The following DPH6 variants were observed in gnomAD, a reference collection of about 807,000 sequenced individuals.
DPH6 encodes the protein diphthine--ammonia ligase.
DPH6 carries 33 observed loss-of-function variants against 38.2 expected under a neutral mutation model. The observed-to-expected ratio is 0.86, with a 90% confidence interval of 0.65 to 1.15. The LOEUF (loss-of-function observed/expected upper bound fraction) is 1.15. Among genes scored for constraint, DPH6 ranks in the 50% most tolerant of loss-of-function variants. The pLI, the probability that DPH6 is intolerant of heterozygous loss-of-function variation, is 0.00. For synonymous variants in DPH6, 108 were observed against 103.0 expected (o/e 1.05, Z -0.30); for missense variants, 325 against 320.0 (o/e 1.02, Z -0.12).
intron 3 of DPH6, among the ~76,000 whole-genome samples, chr15:35,233,332 G>A (rs1198457028): frequency 6.6e-6 from 1 of 151,338 alleles, no homozygotes; most frequent in East Asian, 1.9e-4. Flanking sequence ...ATAAATGAAG[G>A]GGTACTACAT....
chr15:35,537,860 A>C (rs1204263938), intron 3 of DPH6, among the ~76,000 whole-genome samples: 1 of 152,076 alleles, frequency 6.6e-6, no homozygotes, highest in Admixed American at 6.6e-5. Flanking sequence ...CTCTTCCACT[A>C]GAAAGTGAGC....
chr15:35,204,813 C>T, the DPH6 span, among the ~76,000 whole-genome samples: 17 of 151,952 alleles, frequency 1.1e-4, no homozygotes, highest in Admixed American at 3.9e-4. Context: ...ACAACCACAA[C>T]ATAACCACAT....
chr15:35,317,565 A>G (rs2052203031), intron 3 of DPH6, among the ~76,000 whole-genome samples: 1 of 147,338 alleles, frequency 6.8e-6, no homozygotes, highest in African/African-American at 2.6e-5. Context: ...TCACTAAAAT[A>G]TATACTAACA....
intron 5 of DPH6, among the ~76,000 whole-genome samples, chr15:35,443,435 T>G (rs547965231): frequency 6.6e-6 from 1 of 152,264 alleles, no homozygotes; most frequent in East Asian, 1.9e-4. Context: ...AGTAATTTCA[T>G]CTACCACAGG....
chr15:35,474,037 G>A (rs2054234666), intron 3 of DPH6, among the ~76,000 whole-genome samples: 1 of 151,860 alleles, frequency 6.6e-6, no homozygotes, highest in African/African-American at 2.4e-5. Flanking sequence ...TGGTTGGGTT[G>A]GAGGGGGAAG....
the DPH6 span, among the ~76,000 whole-genome samples, chr15:35,185,722 CTCTT>C: frequency 7.8e-6 from 1 of 127,786 alleles, no homozygotes; most frequent in East Asian, 2.5e-4. Flanking sequence ...GTCCAATCCA[CTCTT>C]TTTTTTTTTT....
intron 7 of DPH6, among the ~76,000 whole-genome samples, chr15:35,376,814 T>C (rs2052787313): frequency 6.6e-6 from 1 of 152,170 alleles, no homozygotes; most frequent in African/African-American, 2.4e-5. Context: ...GTTTATAGCC[T>C]AGGAGCATAC....
chr15:35,404,946 T>C (rs2053271693), intron 6 of DPH6, among the ~76,000 whole-genome samples: 3 of 152,268 alleles, frequency 2.0e-5, no homozygotes, highest in African/African-American at 7.2e-5. Context: ...TGCATATAGA[T>C]GTCTAGTTTT....
chr15:35,300,339 A>G (rs139138343), intron 3 of DPH6, among the ~76,000 whole-genome samples: 2 of 152,344 alleles, frequency 1.3e-5, no homozygotes, highest in African/African-American at 4.8e-5. Context: ...TTTGAGTACT[A>G]CATTGAGAAT....
intron 5 of DPH6, among the ~76,000 whole-genome samples, chr15:35,433,307 A>G (rs1391249195): frequency 6.6e-6 from 1 of 152,236 alleles, no homozygotes; most frequent in Admixed American, 6.5e-5. Context: ...GCAAGGATAC[A>G]AACTTGCTTT....
At chr15:35,517,581 T>C (rs183374172) in intron 3 of DPH6, among the ~76,000 whole-genome samples, 1 of 152,236 alleles carries the variant, frequency 6.6e-6, no homozygotes, top group Non-Finnish European at 1.5e-5. Flanking sequence ...TTTATCAGCT[T>C]AAAACATTGG....
intron 3 of DPH6, among the ~76,000 whole-genome samples, chr15:35,242,338 C>A (rs1306116877): frequency 7.0e-6 from 1 of 142,734 alleles, no homozygotes; most frequent in Non-Finnish European, 1.5e-5. Context: ...AATTCTTACA[C>A]AAGAGCCAGG....
the DPH6 span, among the ~76,000 whole-genome samples, chr15:35,182,220 AT>A: frequency 0.014 from 1,197 of 85,818 alleles, 5 homozygotes; most frequent in Middle Eastern, 0.024. Context: ...AACTCTAAGA[AT>A]TTTTTTTTTT....
At chr15:35,153,094 A>C in the DPH6 span, among the ~76,000 whole-genome samples, 2 of 152,206 alleles carry the variant, frequency 1.3e-5, no homozygotes, top group African/African-American at 4.8e-5. Flanking sequence ...TATGATGTGA[A>C]AATTATGTAA....
chr15:35,288,909 A>C (rs1186652666), intron 3 of DPH6, among the ~76,000 whole-genome samples: 1 of 152,142 alleles, frequency 6.6e-6, no homozygotes, highest in Non-Finnish European at 1.5e-5. Context: ...TCCATATCAG[A>C]ATTAGCTTTA....
At chr15:35,458,841 T>C (rs1210907683) in intron 3 of DPH6, among the ~76,000 whole-genome samples, 1 of 152,204 alleles carries the variant, frequency 6.6e-6, no homozygotes, top group African/African-American at 2.4e-5. Context: ...TGCAATCCTT[T>C]TGGATCAAAA....
intron 3 of DPH6, among the ~76,000 whole-genome samples, chr15:35,492,330 T>A (rs1253063323): frequency 6.6e-6 from 1 of 152,114 alleles, no homozygotes; most frequent in Non-Finnish European, 1.5e-5. Context: ...ACTAGATATA[T>A]GGGCATGAAA....
chr15:35,229,961 T>C (rs2051505763), intron 3 of DPH6, among the ~76,000 whole-genome samples: 1 of 152,216 alleles, frequency 6.6e-6, no homozygotes, highest in Non-Finnish European at 1.5e-5. Flanking sequence ...TTGTGGTCAC[T>C]ACCCCTGGGA....
At chr15:35,227,225 C>T (rs1203819003) in intron 3 of DPH6, among the ~76,000 whole-genome samples, 1 of 142,104 alleles carries the variant, frequency 7.0e-6, no homozygotes, top group Non-Finnish European at 1.5e-5. Flanking sequence ...GCTCTGTCAC[C>T]CAGGCTGGAG....
Sources: gnomAD v4.1 joint callset for allele counts (sites outside exome capture counted in the v4.1 genomes callset) on GRCh38, gnomAD v4.1.1 for gene constraint, MANE v1.5 for transcripts, NCBI Gene and HGNC (gene_info 2026-07-23, HGNC 2026-07-21) for gene names.